DPH6: variants seen among roughly 807,000 people sequenced by gnomAD.
DPH6 encodes diphthine--ammonia ligase.
Under a neutral mutation model 38.2 loss-of-function variants are expected in DPH6, and 33 were observed. The ratio of observed to expected loss-of-function variants is 0.86; its 90% CI spans 0.65 to 1.15. The LOEUF is 1.15. Among genes scored for constraint, DPH6 ranks in the 50% most tolerant of loss-of-function variants. DPH6 has a pLI of 0.00. For missense variants in DPH6, 325 were observed against 320.0 expected (o/e 1.02, Z -0.12); for synonymous variants, 108 against 103.0 (o/e 1.05, Z -0.30).
At chr15:35,255,211 T>C (rs1221899241) in intron 3 of DPH6, among the ~76,000 whole-genome samples, 2 of 152,182 alleles carry the variant, frequency 1.3e-5, no homozygotes, top group East Asian at 3.9e-4. Context: ...GAAGAACCAT[T>C]ATGACGACAT....
exon 4 of DPH6, chr15:35,218,709 A>G (rs766096590): frequency 6.6e-6 from 1 of 152,142 alleles, no homozygotes; most frequent in Admixed American, 6.6e-5. Context: ...GAAACGTGAG[A>G]TCTTTTGTTC....
intron 3 of DPH6, among the ~76,000 whole-genome samples, chr15:35,469,255 T>C (rs1344891735): frequency 6.6e-6 from 1 of 152,248 alleles, no homozygotes; most frequent in African/African-American, 2.4e-5. Flanking sequence ...CTTTTCTTAT[T>C]GGTAAAATAT....
chr15:35,376,974 C>G (rs1200868685), intron 7 of DPH6, among the ~76,000 whole-genome samples: 4 of 152,110 alleles, frequency 2.6e-5, no homozygotes, highest in African/African-American at 4.8e-5. Context: ...TACATGCATA[C>G]TGCATATATA....
At chr15:35,529,292 G>A (rs1353980325) in intron 3 of DPH6, among the ~76,000 whole-genome samples, 1 of 152,120 alleles carries the variant, frequency 6.6e-6, no homozygotes, top group Non-Finnish European at 1.5e-5. Context: ...AGAAAAGCAA[G>A]CACATCTTCA....
chr15:35,401,297 T>C (rs2053215775), intron 6 of DPH6: 3 of 856,972 alleles, frequency 3.5e-6, no homozygotes, highest in Non-Finnish European at 5.9e-6. Flanking sequence ...AATGACAACT[T>C]TGGTAGTGGA....
At chr15:35,373,091 C>A (rs558065011) in intron 8 of DPH6, among the ~76,000 whole-genome samples, 1 of 151,756 alleles carries the variant, frequency 6.6e-6, no homozygotes, top group Admixed American at 6.6e-5. Flanking sequence ...ATTTTTACTT[C>A]TCTTTTCCTG....
chr15:35,541,000 T>G (rs988220615), intron 2 of DPH6, among the ~76,000 whole-genome samples: 2 of 152,118 alleles, frequency 1.3e-5, no homozygotes, highest in South Asian at 2.1e-4. Context: ...AGATTCTGCT[T>G]CTTCTTTTAT....
rs1427391730 is a variant in DPH6, at chr15:35,240,479, T to C, written n.201-19897A>G. On this transcript the variant is annotated intron_variant and non_coding_transcript_variant, in intron 3 of 3. Coordinates refer to the DPH6 transcript ENST00000560386. ...CTTGCCAGCCCAAGCTAGGTCCCAA[T>C]TCTTCCTCAGCCTCCGCTCCTCCAC... 2.8e-5 allele frequency among the ~76,000 whole-genome samples: 4 copies of C among 142,692 alleles called. 1 individual carries two copies. The highest frequency in any genetic ancestry group is 6.1e-5 in the Non-Finnish European group (4 of 65,262). 93.6% of individuals were successfully genotyped at this position (142,692 alleles called of 152,430 possible).
chr15:35,213,991 A>C (rs1368954906), downstream of DPH6, among the ~76,000 whole-genome samples: 2 of 152,174 alleles, frequency 1.3e-5, no homozygotes, highest in Non-Finnish European at 2.9e-5. Context: ...GGGCGCCTGT[A>C]GTCCCAGCTA....
intron 3 of DPH6, among the ~76,000 whole-genome samples, chr15:35,249,854 C>G (rs2051659547): frequency 6.6e-6 from 1 of 151,942 alleles, no homozygotes; most frequent in Non-Finnish European, 1.5e-5. Context: ...AACAGTTAAC[C>G]AACTTCTGAT....
chr15:35,258,345 T>C (rs16960726), intron 3 of DPH6, among the ~76,000 whole-genome samples: 5,411 of 152,230 alleles, frequency 0.036, 377 homozygotes, highest in East Asian at 0.34. Flanking sequence ...GCCTCTAGGA[T>C]AGTCAAAAGT....
chr15:35,314,111 A>T (rs189261395), intron 3 of DPH6, among the ~76,000 whole-genome samples: 33 of 152,130 alleles, frequency 2.2e-4, no homozygotes, highest in African/African-American at 7.5e-4. Context: ...AAAAAAAAAA[A>T]AGAAAATTAA....
At chr15:35,154,569 T>C in the DPH6 span, among the ~76,000 whole-genome samples, 1 of 152,162 alleles carries the variant, frequency 6.6e-6, no homozygotes, top group African/African-American at 2.4e-5. Context: ...TAGTAGGTGC[T>C]CAAGTAGCAT....
intron 3 of DPH6, among the ~76,000 whole-genome samples, chr15:35,256,830 C>G (rs1234773762): frequency 1.3e-5 from 2 of 152,060 alleles, no homozygotes; most frequent in Non-Finnish European, 2.9e-5. Flanking sequence ...GGTCAATGAG[C>G]AAGCATATCT....
chr15:35,372,377 CA>C, intron 8 of DPH6, 174 bp from the exon 9 acceptor site: 1 of 458,084 alleles, frequency 2.2e-6, no homozygotes. Flanking sequence ...AATCAAATAC[CA>C]AAACAACGAG....
At chr15:35,278,299 T>C (rs1266932805) in intron 3 of DPH6, among the ~76,000 whole-genome samples, 1 of 152,300 alleles carries the variant, frequency 6.6e-6, no homozygotes. Flanking sequence ...GGCTGCCACT[T>C]TGGAGAGTGA....
At chr15:35,537,161 T>G (rs1469451813) in intron 3 of DPH6, among the ~76,000 whole-genome samples, 1 of 152,158 alleles carries the variant, frequency 6.6e-6, no homozygotes, top group Admixed American at 6.5e-5. Flanking sequence ...TAACTTTTGA[T>G]TTGTATGAAA....
At chr15:35,356,468 ATG>A (rs2052561179) in intron 3 of DPH6, among the ~76,000 whole-genome samples, 1 of 152,076 alleles carries the variant, frequency 6.6e-6, no homozygotes, top group Admixed American at 6.5e-5. Flanking sequence ...TTTGGTGTGG[ATG>A]TCCTTTCTTT....
chr15:35,181,182 A>G, the DPH6 span, among the ~76,000 whole-genome samples: 1 of 152,080 alleles, frequency 6.6e-6, no homozygotes, highest in Non-Finnish European at 1.5e-5. Context: ...TTAAAATAAT[A>G]ATAACATTTT....
Sources: gnomAD v4.1 joint callset for allele counts (sites outside exome capture counted in the v4.1 genomes callset) on GRCh38, gnomAD v4.1.1 for gene constraint, MANE v1.5 for transcripts, NCBI Gene and HGNC (gene_info 2026-07-23, HGNC 2026-07-21) for gene names.